The following SGCD variants were observed in gnomAD, a reference collection of about 807,000 sequenced individuals.
SGCD encodes delta-sarcoglycan.
SGCD carries 18 observed loss-of-function variants against 36.6 expected under a neutral mutation model. That is an observed-to-expected ratio of 0.49 (90% CI 0.34 to 0.73). The LOEUF (loss-of-function observed/expected upper bound fraction) is 0.73. Ranked by LOEUF, SGCD falls within the 30% of genes least tolerant of loss-of-function variation. The pLI is 0.01. For missense variants in SGCD, 387 were observed against 346.7 expected, an observed-to-expected ratio of 1.12 and a Z score of -0.92; for synonymous variants, 133 against 130.6, an observed-to-expected ratio of 1.02 and a Z score of -0.12.
chr5:156,411,368 G>A (rs554236700), intron 3 of SGCD, among the ~76,000 whole-genome samples: 2 of 152,316 alleles, frequency 1.3e-5, no homozygotes, highest in Admixed American at 1.3e-4. Context: ...ATAAGTGGAA[G>A]TACAGGGGTC....
At chr5:155,785,035 G>A in the SGCD span, among the ~76,000 whole-genome samples, 1 of 151,804 alleles carries the variant, frequency 6.6e-6, no homozygotes, top group Non-Finnish European at 1.5e-5. Flanking sequence ...ATCCATCTCT[G>A]GGCACATACC....
chr5:155,758,317 G>A, the SGCD span, among the ~76,000 whole-genome samples: 1 of 152,164 alleles, frequency 6.6e-6, no homozygotes, highest in Non-Finnish European at 1.5e-5. Flanking sequence ...CCTGATTGGT[G>A]TTAGCTCTGC....
chr5:155,806,034 A>G, the SGCD span, among the ~76,000 whole-genome samples: 1 of 152,228 alleles, frequency 6.6e-6, no homozygotes, highest in Admixed American at 6.5e-5. Context: ...TAAATGAATT[A>G]GGTCCTTCCA....
At chr5:155,941,220 A>G (rs762134719) in intron 1 of SGCD, among the ~76,000 whole-genome samples, 3 of 152,230 alleles carry the variant, frequency 2.0e-5, no homozygotes, top group Middle Eastern at 3.2e-3. Context: ...TCAATTCATA[A>G]GGGCACAGCC....
At chr5:156,162,456 C>CAGCT (rs1763108019) in intron 3 of SGCD, among the ~76,000 whole-genome samples, 1 of 151,436 alleles carries the variant, frequency 6.6e-6, no homozygotes. Context: ...ATAGTGTGTG[C>CAGCT]AGCTCTCCAT....
chr5:155,838,518 A>G, the SGCD span, among the ~76,000 whole-genome samples: 1 of 152,230 alleles, frequency 6.6e-6, no homozygotes, highest in South Asian at 2.1e-4. Context: ...GTAAATTGGA[A>G]GTTAGGTTAG....
chr5:155,873,629 C>G (rs1040904911), intron 1 of SGCD, among the ~76,000 whole-genome samples: 1 of 152,176 alleles, frequency 6.6e-6, no homozygotes, highest in Non-Finnish European at 1.5e-5. Flanking sequence ...CCCAACTTCA[C>G]AGTGTATCCA....
the SGCD span, among the ~76,000 whole-genome samples, chr5:155,760,313 CAT>C: frequency 0.062 from 1 of 16 alleles, no homozygotes; most frequent in East Asian, 0.5. Context: ...CCATCATCCT[CAT>C]CATCACTCTN....
chr5:156,751,416 A>G (rs925344677), intron 7 of SGCD, among the ~76,000 whole-genome samples: 2 of 152,044 alleles, frequency 1.3e-5, no homozygotes, highest in African/African-American at 4.8e-5. Context: ...AGGATTGCTC[A>G]GGTAAGACAC....
chr5:156,525,874 G>A (rs1255354472), intron 4 of SGCD, among the ~76,000 whole-genome samples: 1 of 151,990 alleles, frequency 6.6e-6, no homozygotes, highest in Non-Finnish European at 1.5e-5. Context: ...TAATTTTGTT[G>A]AAAATTACTT....
chr5:156,477,215 T>C (rs1581049112), intron 3 of SGCD, among the ~76,000 whole-genome samples: 1 of 152,262 alleles, frequency 6.6e-6, no homozygotes, highest in East Asian at 1.9e-4. Flanking sequence ...CAACAAAATA[T>C]GGTATTTGTT....
chr5:155,825,450 T>C, the SGCD span, among the ~76,000 whole-genome samples: 1 of 152,206 alleles, frequency 6.6e-6, no homozygotes. Context: ...TATTCAGAAT[T>C]ATCATTTTGA....
At chr5:155,980,723 T>A (rs1246223442) in intron 1 of SGCD, among the ~76,000 whole-genome samples, 2 of 150,890 alleles carry the variant, frequency 1.3e-5, no homozygotes, top group Non-Finnish European at 2.9e-5. Context: ...TAACTCCTTT[T>A]ATTGACCCTT....
At chr5:156,103,430 A>G (rs569531850) in intron 1 of SGCD, among the ~76,000 whole-genome samples, 45 of 152,306 alleles carry the variant, frequency 3.0e-4, no homozygotes, top group African/African-American at 1.0e-3. Context: ...TGCTGGATGC[A>G]TTGATTCATG....
intron 1 of SGCD, among the ~76,000 whole-genome samples, chr5:155,980,642 T>TCTTACTGATA: frequency 8.0e-6 from 1 of 124,422 alleles, no homozygotes; most frequent in Non-Finnish European, 1.6e-5. Flanking sequence ...AAAAAAGAGT[T>TCTTACTGATA]CTTACTGATA....
At chr5:155,826,974 A>C in the SGCD span, among the ~76,000 whole-genome samples, 1 of 152,214 alleles carries the variant, frequency 6.6e-6, no homozygotes, top group Admixed American at 6.5e-5. Context: ...AATTGGATTC[A>C]ACCAAAACAT....
intron 4 of SGCD, among the ~76,000 whole-genome samples, chr5:156,581,041 G>T (rs1275128389): frequency 3.3e-5 from 5 of 152,110 alleles, no homozygotes. Context: ...TTGTGGTTTT[G>T]TCTATCTTTG....
chr5:156,290,037 A>T (rs1047274867), intron 3 of SGCD, among the ~76,000 whole-genome samples: 1 of 152,182 alleles, frequency 6.6e-6, no homozygotes, highest in Non-Finnish European at 1.5e-5. Context: ...TACTGGAAAG[A>T]TTTTTAAACA....
chr5:155,927,212 G>T (rs984673630), intron 1 of SGCD, among the ~76,000 whole-genome samples: 1 of 152,156 alleles, frequency 6.6e-6, no homozygotes, highest in Non-Finnish European at 1.5e-5. Flanking sequence ...TAAGTAAAGC[G>T]CTTAGAATAA....
Sources: allele counts gnomAD v4.1 joint callset (sites outside exome capture counted in the v4.1 genomes callset), GRCh38; gene constraint gnomAD v4.1.1; transcripts MANE v1.5; gene names NCBI Gene and HGNC (gene_info 2026-07-23, HGNC 2026-07-21).